The following MED13 variants were observed in gnomAD, a reference collection of about 807,000 sequenced individuals.
MED13 encodes mediator complex subunit 13, also known as mediator of RNA polymerase II transcription subunit 13.
A neutral mutation model predicts 225.2 loss-of-function variants in MED13; 23 were observed. The ratio of observed to expected loss-of-function variants is 0.10; its 90% CI spans 0.07 to 0.14. The LOEUF (loss-of-function observed/expected upper bound fraction) is 0.14, where lower values mean the gene tolerates loss of function less well. Among genes scored for constraint, MED13 ranks in the 10% least tolerant of loss-of-function variants. The probability of loss-of-function intolerance (pLI) is 1.00; values close to 1 mark genes in which losing one functional copy is unlikely to be tolerated. For missense variants in MED13, 2,197 were observed against 2,594.5 expected, an observed-to-expected ratio of 0.85 and a Z score of 3.33; for synonymous variants, 942 against 889.2, an observed-to-expected ratio of 1.06 and a Z score of -1.06.
intron 2 of MED13, 118 bp from the exon 3 acceptor site, chr17:62,052,823 A>C: frequency 1.6e-6 from 1 of 608,468 alleles, no homozygotes; most frequent in South Asian, 4.7e-5. Context: ...CCAGAATATT[A>C]AGCTACAATC....
chr17:62,024,339 A>G (rs976773543), intron 8 of MED13, among the ~76,000 whole-genome samples: 1 of 152,182 alleles, frequency 6.6e-6, no homozygotes, highest in Admixed American at 6.5e-5. Context: ...ACTTTTTAAA[A>G]ATAAAAGTTC....
At position 62,065,231 on chromosome 17, in the gene MED13, C is replaced by T. The variant is rs1253798913; in HGVS notation, c.-26G>A. On this transcript the variant is annotated 5_prime_UTR_variant, in exon 1 of 30. Transcript: ENST00000397786. ...CGTCCCTCACAGCAGCCGCCGCCGG[C>T]GCCACAACCCACCATCCGCCATTAC... The T allele has an allele frequency of 2.6e-6, 4 of 1,538,040 alleles. No homozygotes were observed. The African/African-American group carries it at 5.7e-5, about 22-fold the overall frequency.
At chr17:61,955,181 T>C (rs1269203782) in intron 26 of MED13, 3 of 390,880 alleles carry the variant, frequency 7.7e-6, no homozygotes, top group African/African-American at 4.1e-5. Context: ...TCTGCCTCCT[T>C]CTTATAAGAA....
At chr17:61,962,646 T>G in intron 21 of MED13, 106 bp downstream of exon 21, 1 of 854,608 alleles carries the variant, frequency 1.2e-6, no homozygotes, top group Middle Eastern at 3.1e-4. Flanking sequence ...ATAATAGAAC[T>G]TGGCTTTTAG....
chr17:62,006,312 AGAAGG>A (rs1368762257), intron 9 of MED13: 2 of 149,382 alleles, frequency 1.3e-5, no homozygotes, highest in African/African-American at 2.5e-5. Flanking sequence ...AAGAAAAAGG[AGAAGG>A]GGAGACAGGA....
chr17:61,990,650 T>TATATACAC (rs1491124278), intron 11 of MED13, among the ~76,000 whole-genome samples: 3 of 141,174 alleles, frequency 2.1e-5, no homozygotes, highest in African/African-American at 8.1e-5. Flanking sequence ...TATATATATA[T>TATATACAC]ACACACTCCC....
chr17:61,992,261 G>A (rs557091863), intron 11 of MED13, among the ~76,000 whole-genome samples: 2 of 151,976 alleles, frequency 1.3e-5, no homozygotes, highest in African/African-American at 4.8e-5. Flanking sequence ...AGTAGAAGGG[G>A]GTGAGAAATC....
intron 3 of MED13, among the ~76,000 whole-genome samples, chr17:62,046,528 T>C (rs534346010): frequency 6.6e-6 from 1 of 152,342 alleles, no homozygotes; most frequent in African/African-American, 2.4e-5. Flanking sequence ...GTTGGATTCA[T>C]GAAAATATCC....
chr17:61,975,533 T>A (rs1228871626), intron 16 of MED13, among the ~76,000 whole-genome samples: 1 of 152,204 alleles, frequency 6.6e-6, no homozygotes, highest in Non-Finnish European at 1.5e-5. Context: ...GTGCAGCTGC[T>A]ATGGAAAACA....
At chr17:62,063,002 T>C (rs1273509096) in intron 2 of MED13, 65 bp downstream of exon 2, 2 of 1,262,984 alleles carry the variant, frequency 1.6e-6, no homozygotes, top group Non-Finnish European at 2.3e-6. Flanking sequence ...GTAATACATA[T>C]GACATTCTGG....
At chr17:62,041,132 A>G (rs966029308) in intron 3 of MED13, among the ~76,000 whole-genome samples, 9 of 152,238 alleles carry the variant, frequency 5.9e-5, no homozygotes, top group African/African-American at 2.2e-4. Flanking sequence ...AAAACAACCC[A>G]AATACCATTT....
At chr17:62,034,709 G>C (rs1349479027) in intron 4 of MED13, among the ~76,000 whole-genome samples, 2 of 152,098 alleles carry the variant, frequency 1.3e-5, no homozygotes, top group African/African-American at 4.8e-5. Context: ...GTTAAAATAA[G>C]AACACACTGC....
Position 61,995,182 on chromosome 17 carries a change from A to G in MED13, c.2151T>C (p.Asn717=), listed in dbSNP as rs767223264. The G allele has an allele frequency of 5.6e-6, 9 of 1,613,484 alleles. 1 individual carries two copies. The highest frequency in any genetic ancestry group is 5.5e-5 in the South Asian group (5 of 91,030). Residue 717 remains asparagine, a synonymous_variant, in exon 10 of 30, where the codon AAT becomes AAC. Coordinates refer to ENST00000397786, the MANE Select transcript of MED13 (RefSeq NM_005121.3). ...FLFPDKKDRQ[N]SEREAGKKHK... is the part of the protein sequence containing the mutation. ...GTTTTTTTCCAGCTTCTCTCTCACT[A>G]TTTTGTCTATCTTTTTTATCAGGAA... is the stretch of plus-strand genomic sequence containing the variant.
rs1481720611 is a variant in MED13 at position 61,946,466 on chromosome 17, G to C, written c.*2C>G. On this transcript the variant is annotated 3_prime_UTR_variant, in exon 30 of 30. Coordinates refer to ENST00000397786, the MANE Select transcript of MED13 (RefSeq NM_005121.3). The stretch of plus-strand genomic sequence containing the variant: ...TTCTTGCACAGTTCCATCAAATGAA[G>C]ATCACAGCATATTCATAATAAAGTT... 8 of 1,611,878 alleles carry C rather than the reference G, an allele frequency of 5.0e-6. No homozygotes were observed. Among genetic ancestry groups the C allele is most frequent in the Non-Finnish European group, 6.8e-6 (8 of 1,179,144 alleles).
intron 3 of MED13, among the ~76,000 whole-genome samples, chr17:62,049,458 G>C (rs2080934656): frequency 6.6e-6 from 1 of 152,100 alleles, no homozygotes; most frequent in Non-Finnish European, 1.5e-5. Flanking sequence ...CTCTGCTCTA[G>C]TGTGAAAGCA....
In MED13 at chr17:62,033,796, C is replaced by T; in HGVS notation, c.805G>A (p.Val269Ile). 1 of 1,614,034 alleles carries T rather than the reference C, an allele frequency of 6.2e-7. No individual in the cohort carries two copies. Among genetic ancestry groups the T allele is most frequent in the Non-Finnish European group, 8.5e-7 (1 of 1,179,958 alleles). ...TACTCAGGATCCATACCAACAAGAA[C>T]TTCTACTGCAGCTAAAGAATCATCT... ...WEDDSLAAVEVLVAGVRMIYP... is the reference protein window; with the variant it reads ...WEDDSLAAVEILVAGVRMIYP... The change falls in exon 5 of 30, where the codon GTT (valine) becomes ATT (isoleucine). Residue 269 changes from valine (V) to isoleucine (I), a missense_variant. Coordinates refer to ENST00000397786, the MANE Select transcript of MED13 (RefSeq NM_005121.3).
intron 27 of MED13, among the ~76,000 whole-genome samples, chr17:61,951,940 T>C (rs373850769): frequency 5.2e-4 from 79 of 152,256 alleles, no homozygotes; most frequent in African/African-American, 1.9e-3. Context: ...CTCTGTCGCT[T>C]AGGCTGGAAT....
intron 10 of MED13, among the ~76,000 whole-genome samples, chr17:61,994,403 T>C (rs930914709): frequency 6.6e-6 from 1 of 152,270 alleles, no homozygotes; most frequent in Non-Finnish European, 1.5e-5. Context: ...AATAACTATA[T>C]ATCTTGCACT....
chr17:61,996,448 T>C (rs2080347600), intron 9 of MED13, among the ~76,000 whole-genome samples: 1 of 152,184 alleles, frequency 6.6e-6, no homozygotes, highest in Non-Finnish European at 1.5e-5. Context: ...CCTTATACCA[T>C]CCTATGAAAA....
Sources: gnomAD v4.1 joint callset for allele counts (sites outside exome capture counted in the v4.1 genomes callset) on GRCh38, gnomAD v4.1.1 for gene constraint, MANE v1.5 for transcripts, NCBI Gene and HGNC (gene_info 2026-07-23, HGNC 2026-07-21) for gene names.